Variants in DAB1 observed in about 807,000 individuals in gnomAD.
DAB1 encodes disabled homolog 1.
Under a neutral mutation model 64.6 loss-of-function variants are expected in DAB1, and 15 were observed. That is an observed-to-expected ratio of 0.23 (90% CI 0.16 to 0.36). The LOEUF is 0.36. Among genes scored for constraint, DAB1 ranks in the 10% least tolerant of loss-of-function variants. The probability of loss-of-function intolerance (pLI) is 1.00; values close to 1 mark genes in which losing one functional copy is unlikely to be tolerated. For synonymous variants in DAB1, 235 were observed against 251.9 expected (o/e 0.93, Z 0.64); for missense variants, 596 against 706.7 (o/e 0.84, Z 1.78).
At chr1:58,327,608 C>T (rs188353986) in intron 4 of DAB1, among the ~76,000 whole-genome samples, 1 of 152,086 alleles carries the variant, frequency 6.6e-6, no homozygotes, top group Non-Finnish European at 1.5e-5. Context: ...TATGGGGATG[C>T]GAATAGTACT....
chr1:57,142,519 T>G (rs549218345), intron 3 of DAB1, among the ~76,000 whole-genome samples: 1 of 151,966 alleles, frequency 6.6e-6, no homozygotes, highest in East Asian at 1.9e-4. Context: ...GACAGGAGTA[T>G]GTTATAGTAG....
intron 4 of DAB1, among the ~76,000 whole-genome samples, chr1:58,178,402 A>G (rs922798591): frequency 2.6e-5 from 4 of 152,182 alleles, no homozygotes; most frequent in African/African-American, 7.2e-5. Flanking sequence ...CTAATCTCTA[A>G]TATCTCTGAA....
chr1:57,479,130 C>A (rs2805862), intron 7 of DAB1, among the ~76,000 whole-genome samples: 31,968 of 151,734 alleles, frequency 0.21, 4,075 homozygotes, highest in African/African-American at 0.37. Flanking sequence ...AAGTTCAATA[C>A]TTTGGAAAGA....
intron 4 of DAB1, among the ~76,000 whole-genome samples, chr1:57,117,148 GA>G (rs1424847265): frequency 6.6e-6 from 1 of 152,186 alleles, no homozygotes; most frequent in Admixed American, 6.5e-5. Flanking sequence ...TAATTTGGCT[GA>G]AAAAGCTGGA....
chr1:57,662,882 T>C (rs984812059), intron 6 of DAB1, among the ~76,000 whole-genome samples: 3 of 152,220 alleles, frequency 2.0e-5, no homozygotes, highest in Non-Finnish European at 4.4e-5. Context: ...AAATTCTTTC[T>C]GTTTTTCCTC....
chr1:57,821,607 G>A (rs111870702), downstream of DAB1, among the ~76,000 whole-genome samples: 594 of 152,304 alleles, frequency 3.9e-3, 7 homozygotes, highest in African/African-American at 0.013. Context: ...CTTACCTGGA[G>A]GTGTTATGGA....
At chr1:57,465,267 G>T (rs1686917570) in intron 7 of DAB1, among the ~76,000 whole-genome samples, 1 of 152,094 alleles carries the variant, frequency 6.6e-6, no homozygotes, top group Non-Finnish European at 1.5e-5. Context: ...TCATGGCTGG[G>T]GACAGTTTTC....
chr1:57,326,500 C>T (rs1676166861), intron 1 of DAB1, among the ~76,000 whole-genome samples: 1 of 152,208 alleles, frequency 6.6e-6, no homozygotes, highest in Non-Finnish European at 1.5e-5. Context: ...TGACCACACA[C>T]AGCCCTATGA....
intron 1 of DAB1, among the ~76,000 whole-genome samples, chr1:57,314,222 A>G (rs558541362): frequency 1.2e-4 from 19 of 152,346 alleles, no homozygotes; most frequent in African/African-American, 3.6e-4. Flanking sequence ...CACATACTTA[A>G]TACTGACAAC....
chr1:58,225,806 G>A (rs199802238), intron 4 of DAB1, among the ~76,000 whole-genome samples: 1 of 104,966 alleles, frequency 9.5e-6, no homozygotes, highest in South Asian at 4.1e-4. Flanking sequence ...CACCGGGCCT[G>A]TTGTGGGGTG....
At chr1:57,402,628 A>G (rs947774687) in intron 1 of DAB1, among the ~76,000 whole-genome samples, 1 of 152,212 alleles carries the variant, frequency 6.6e-6, no homozygotes, top group African/African-American at 2.4e-5. Flanking sequence ...GAGCTTAGGC[A>G]ATATATTTTC....
chr1:57,100,084 G>A (rs1453421468), intron 4 of DAB1, among the ~76,000 whole-genome samples: 1 of 152,214 alleles, frequency 6.6e-6, no homozygotes, highest in African/African-American at 2.4e-5. Flanking sequence ...GGAGCCAGAT[G>A]ACCTGGGTTC....
chr1:57,462,479 C>T lies in DAB1; in HGVS notation n.626-171313G>A, dbSNP rs1314016751. Among the ~76,000 whole-genome samples the T allele has an allele frequency of 3.9e-5, 6 of 152,282 alleles. No homozygotes were observed. In the East Asian group the frequency reaches 5.8e-4, roughly 15 times the overall value. ...CAAATGAAGTGCATAAAACACAGAA[C>T]TCCAGTACTTTCTTTCCTTAGATAT... On this transcript the variant is annotated intron_variant and non_coding_transcript_variant, in intron 7 of 20. Transcript: ENST00000485760.
At chr1:57,453,774 C>T (rs1336809211) in intron 7 of DAB1, among the ~76,000 whole-genome samples, 1 of 152,040 alleles carries the variant, frequency 6.6e-6, no homozygotes, top group Non-Finnish European at 1.5e-5. Flanking sequence ...GATGTAAGTG[C>T]ATTATATGGT....
chr1:57,331,099 A>G (rs1676627654), intron 1 of DAB1, among the ~76,000 whole-genome samples: 2 of 152,202 alleles, frequency 1.3e-5, no homozygotes, highest in Non-Finnish European at 2.9e-5. Context: ...TAAATTAGGA[A>G]TAAGTCTGAA....
chr1:57,850,638 C>A (rs1383045081), intron 1 of DAB1, among the ~76,000 whole-genome samples: 3 of 152,126 alleles, frequency 2.0e-5, no homozygotes, highest in Admixed American at 2.0e-4. Context: ...CTGGAGGGAG[C>A]CCCAAGGCCT....
chr1:57,374,050 ACAGGT>A (rs2100944697), intron 1 of DAB1, among the ~76,000 whole-genome samples: 1 of 152,322 alleles, frequency 6.6e-6, no homozygotes, highest in South Asian at 2.1e-4. Flanking sequence ...ATCCATGGGG[ACAGGT>A]CCCTTTGCTG....
intron 1 of DAB1, among the ~76,000 whole-genome samples, chr1:57,316,120 G>C (rs1275416433): frequency 6.6e-6 from 1 of 152,162 alleles, no homozygotes; most frequent in Non-Finnish European, 1.5e-5. Flanking sequence ...TCTACATTAT[G>C]AATCTATAAG....
intron 6 of DAB1, among the ~76,000 whole-genome samples, chr1:57,734,434 T>C (rs1024836209): frequency 6.6e-6 from 1 of 152,192 alleles, no homozygotes; most frequent in African/African-American, 2.4e-5. Context: ...AATGACCAGC[T>C]TGAGGATTGG....
Sources: allele counts gnomAD v4.1 joint callset (sites outside exome capture counted in the v4.1 genomes callset), GRCh38; gene constraint gnomAD v4.1.1; transcripts MANE v1.5; gene names NCBI Gene and HGNC (gene_info 2026-07-23, HGNC 2026-07-21).